Variants in ACCSL observed in about 807,000 individuals in gnomAD.
ACCSL encodes the protein probable inactive 1-aminocyclopropane-1-carboxylate synthase-like protein 2.
Under a neutral mutation model 61.7 loss-of-function variants are expected in ACCSL, and 55 were observed. That is an observed-to-expected ratio of 0.89 (90% CI 0.72 to 1.12). ACCSL has a LOEUF of 1.12. ACCSL is among the 50% of genes most tolerant of loss of function. ACCSL has a pLI of 0.00. For missense variants in ACCSL, 632 were observed against 698.0 expected, an observed-to-expected ratio of 0.91 and a Z score of 1.07; for synonymous variants, 258 against 264.3, an observed-to-expected ratio of 0.98 and a Z score of 0.23.
the ACCSL span, among the ~76,000 whole-genome samples, chr11:44,031,225 C>T: frequency 3.3e-5 from 5 of 152,136 alleles, no homozygotes; most frequent in Non-Finnish European, 5.9e-5. Context: ...AATAAACGTT[C>T]GCACGTCATC....
chr11:44,058,327 C>A lies in ACCSL; in HGVS notation c.1338C>A (p.Asp446Glu). The A allele has an allele frequency of 1.2e-6, 2 of 1,614,208 alleles. No individual in the cohort carries two copies. Among genetic ancestry groups the A allele is most frequent in the Middle Eastern group, 1.6e-4 (1 of 6,062 alleles). The part of the protein sequence containing the change: ...CQLLQNTEWI[D>E]KVYLPTNCYR... ...CCTCTACCCATCCAGAATGGATTGA[C>A]AAAGTATACCTACCCACCAATTGCT... The change falls in exon 12 of 14, where the codon GAC (aspartate) becomes GAA (glutamate). Residue 446 changes from aspartate to glutamate, a missense_variant. Coordinates refer to ENST00000378832, the MANE Select transcript of ACCSL (RefSeq NM_001031854.2).
the ACCSL span, among the ~76,000 whole-genome samples, chr11:44,003,090 T>C: frequency 6.6e-6 from 1 of 152,236 alleles, no homozygotes; most frequent in Non-Finnish European, 1.5e-5. Context: ...CATTTACAAA[T>C]GTAAAATGTT....
chr11:43,985,922 C>A, the ACCSL span, among the ~76,000 whole-genome samples: 2 of 151,840 alleles, frequency 1.3e-5, no homozygotes, highest in African/African-American at 4.8e-5. Flanking sequence ...CCTGTAATCC[C>A]ACTGAACTCC....
At chr11:44,051,888 C>A (rs1952641980) in intron 5 of ACCSL, among the ~76,000 whole-genome samples, 169 bp downstream of exon 5, 1 of 152,174 alleles carries the variant, frequency 6.6e-6, no homozygotes, top group Non-Finnish European at 1.5e-5. Context: ...TCTGTGGGAA[C>A]AAGGGGTTTG....
At chr11:44,025,943 A>G in the ACCSL span, among the ~76,000 whole-genome samples, 3 of 152,206 alleles carry the variant, frequency 2.0e-5, no homozygotes, top group African/African-American at 7.2e-5. Flanking sequence ...GTACATGAGT[A>G]ACTTTGCTCT....
At chr11:44,045,733 A>G (rs1013352131), upstream of ACCSL, among the ~76,000 whole-genome samples, 1 of 152,160 alleles carries the variant, frequency 6.6e-6, no homozygotes, top group Non-Finnish European at 1.5e-5. Flanking sequence ...CTTCCATGGC[A>G]AGAAGTCTAA....
At chr11:43,996,813 CTTT>C in the ACCSL span, among the ~76,000 whole-genome samples, 2,107 of 127,762 alleles carry the variant, frequency 0.016, 22 homozygotes, top group East Asian at 0.038. Context: ...ACCTTTTTTC[CTTT>C]TTTTTTTTTT....
chr11:43,992,913 G>A, the ACCSL span, among the ~76,000 whole-genome samples: 3 of 152,204 alleles, frequency 2.0e-5, no homozygotes, highest in Non-Finnish European at 4.4e-5. Context: ...GGGGAGCCTA[G>A]CTCTCTCCGT....
In ACCSL at chr11:44,053,520, C is replaced by T; in HGVS notation, c.1049+14C>T. On this transcript the variant is annotated intron_variant, in intron 8 of 13. Transcript: ENST00000378832. The stretch of plus-strand genomic sequence containing the variant: ...ATTTGCCAAGAGGTATGAGTTCTAC[C>T]CCTTGAGACTAGGTAATGTTTCTTG... 2 of 1,596,498 alleles carry T rather than the reference C, an allele frequency of 1.3e-6. No individual in the cohort carries two copies. The highest frequency in any genetic ancestry group is 2.2e-5 in the South Asian group (2 of 90,686).
At chr11:43,966,901 C>T in the ACCSL span, among the ~76,000 whole-genome samples, 3 of 152,030 alleles carry the variant, frequency 2.0e-5, no homozygotes, top group Non-Finnish European at 2.9e-5. Flanking sequence ...AAAAATTTAT[C>T]GAATTTTATT....
At chr11:44,052,027 G>A (rs1952642801) in intron 5 of ACCSL, among the ~76,000 whole-genome samples, 1 of 152,212 alleles carries the variant, frequency 6.6e-6, no homozygotes, top group African/African-American at 2.4e-5. Context: ...GACAGCCATG[G>A]CAATGGACTC....
chr11:43,988,806 C>CTTTTTT, the ACCSL span, among the ~76,000 whole-genome samples: 11 of 97,236 alleles, frequency 1.1e-4, no homozygotes, highest in East Asian at 9.9e-4. Flanking sequence ...ATTCTCTCTT[C>CTTTTTT]TTTTTTTTTT....
chr11:44,033,582 A>C, the ACCSL span, among the ~76,000 whole-genome samples: 1 of 152,058 alleles, frequency 6.6e-6, no homozygotes, highest in African/African-American at 2.4e-5. Context: ...ACAGCACCAG[A>C]GTTCTTAAAG....
chr11:43,965,723 G>A, the ACCSL span, among the ~76,000 whole-genome samples: 2 of 152,182 alleles, frequency 1.3e-5, no homozygotes, highest in African/African-American at 4.8e-5. Flanking sequence ...CAAAGCTACA[G>A]TAATCAAAAC....
the ACCSL span, among the ~76,000 whole-genome samples, chr11:43,926,903 A>T: frequency 1.3e-5 from 2 of 152,162 alleles, no homozygotes; most frequent in Non-Finnish European, 2.9e-5. Context: ...GGTGCACCCC[A>T]CCACACCTGG....
chr11:44,019,741 T>G, the ACCSL span, among the ~76,000 whole-genome samples: 2 of 152,214 alleles, frequency 1.3e-5, no homozygotes, highest in African/African-American at 4.8e-5. Flanking sequence ...GCACAGAAGT[T>G]TCTAGTGTTG....
the ACCSL span, among the ~76,000 whole-genome samples, chr11:43,981,213 C>A: frequency 6.6e-6 from 1 of 152,198 alleles, no homozygotes; most frequent in Admixed American, 6.5e-5. Context: ...TAGCTCATGC[C>A]TCCATGTAGC....
Position 44,048,148 on chromosome 11 carries a change from C to CT in ACCSL, c.112_113insT (p.Gln38LeufsTer25). On this transcript the variant is annotated frameshift_variant, in exon 1 of 14. Transcript: ENST00000378832. LOFTEE classifies it high-confidence loss of function. ...GTTGGAGATAACGCTGCACTTGCAG[C>CT]AGGCCATGACGGAGCACTTCGTGCA... is the stretch of plus-strand genomic sequence containing the variant. The CT allele has an allele frequency of 6.2e-7, 1 of 1,614,200 alleles. No homozygotes were observed. The highest frequency in any genetic ancestry group is 1.1e-5 in the South Asian group (1 of 91,090).
the ACCSL span, among the ~76,000 whole-genome samples, chr11:44,004,343 C>A: frequency 6.6e-6 from 1 of 152,054 alleles, no homozygotes; most frequent in Non-Finnish European, 1.5e-5. Context: ...CTCACCCCCG[C>A]ATACCGCCCT....
Sources: gnomAD v4.1 joint callset for allele counts (sites outside exome capture counted in the v4.1 genomes callset) on GRCh38, gnomAD v4.1.1 for gene constraint, MANE v1.5 for transcripts, NCBI Gene and HGNC (gene_info 2026-07-23, HGNC 2026-07-21) for gene names.